DNAH17: variants seen among roughly 807,000 people sequenced by gnomAD.
DNAH17 encodes the protein axonemal beta dynein heavy chain 17.
Under a neutral mutation model 485.6 loss-of-function variants are expected in DNAH17, and 376 were observed. The observed-to-expected ratio is 0.77, with a 90% CI of 0.71 to 0.84. The LOEUF (loss-of-function observed/expected upper bound fraction) is 0.84. DNAH17 is among the 40% of genes least tolerant of loss of function. DNAH17 has a pLI of 0.00. For missense variants in DNAH17, 6,370 were observed against 5,839.3 expected (o/e 1.09, Z -2.96); for synonymous variants, 3,031 against 2,405.9 (o/e 1.26, Z -7.60).
intron 75 of DNAH17, among the ~76,000 whole-genome samples, chr17:78,432,905 C>CCG (rs2086727883): frequency 8.7e-6 from 1 of 115,070 alleles, no homozygotes; most frequent in East Asian, 3.6e-4. Flanking sequence ...CAAACGTGCC[C>CCG]CCCCCCCCCG....
chr17:78,472,908 G>A (rs915791970), intron 54 of DNAH17: 4 of 316,764 alleles, frequency 1.3e-5, no homozygotes, highest in African/African-American at 2.3e-5. Context: ...CATCCTGCCC[G>A]CTCTATCCCC....
intron 63 of DNAH17, 125 bp downstream of exon 63, chr17:78,455,519 G>A (rs370793866): frequency 5.9e-6 from 4 of 679,822 alleles, no homozygotes; most frequent in Non-Finnish European, 9.1e-6. Context: ...TAGAGATGGG[G>A]TTTCACCATG....
rs1160278275 is a variant in DNAH17, at chr17:78,437,787, G to A, written c.11887C>T (p.Arg3963Trp). ...GCAGGCTCCGCGCTGATGAACACCC[G>A]GTAGTCCTCATGGCTGCCCGTGCTG... ...HYSTGSHEDYRVFISAEPAPS... is the reference protein window; with the variant it reads ...HYSTGSHEDYWVFISAEPAPS... The change falls in exon 74 of 81, where the codon CGG (arginine) becomes TGG (tryptophan). Residue 3963 changes from arginine (R) to tryptophan (W), a missense_variant. Transcript: ENST00000389840. 4 of 1,612,602 alleles carry A rather than the reference G, an allele frequency of 2.5e-6. No homozygotes were observed. The South Asian group carries it at 3.3e-5, about 13-fold the overall frequency.
In DNAH17 at chr17:78,427,277, T is replaced by C. The variant is rs72914893; in HGVS notation, c.12589-169A>G. On this transcript the variant is annotated intron_variant, in intron 77 of 80. Coordinates refer to ENST00000389840, the MANE Select transcript of DNAH17 (RefSeq NM_173628.4). ...GTCATGGGTGCAGCCACACATTTGA[T>C]GAGGAGAGGGAGCCTTGGCCAGCGG... 0.15 allele frequency: 100,314 copies of C among 658,748 alleles called. 8,520 individuals carry two copies. Among genetic ancestry groups the C allele is most frequent in the Middle Eastern group, 0.2 (485 of 2,376 alleles). The allele number at this position is 658,748 out of a possible 1,614,324, so 40.8% of individuals were successfully genotyped here.
At position 78,560,887 on chromosome 17, in the gene DNAH17, C is replaced by T; in HGVS notation, c.1884G>A (p.Glu628=). The change falls in exon 13 of 81, where the codon GAG becomes GAA. Residue 628 remains glutamate, a synonymous_variant. Coordinates refer to ENST00000389840, the MANE Select transcript of DNAH17 (RefSeq NM_173628.4). ...EAKLTYQKYD[E]MMELLRCHRE... ...GGTGGCACCTCAGCAGCTCCATCATCTCGTCATACTTCTGATAGGTCAGCT... is the reference window on the plus strand; with the variant it reads ...GGTGGCACCTCAGCAGCTCCATCATTTCGTCATACTTCTGATAGGTCAGCT... The T allele has an allele frequency of 3.2e-6, 5 of 1,551,646 alleles. No individual in the cohort carries two copies. Among genetic ancestry groups the T allele is most frequent in the Non-Finnish European group, 4.4e-6 (5 of 1,147,158 alleles).
intron 7 of DNAH17, among the ~76,000 whole-genome samples, chr17:78,569,756 TGA>T (rs2092323343): frequency 6.6e-6 from 1 of 152,188 alleles, no homozygotes; most frequent in African/African-American, 2.4e-5. Flanking sequence ...TCGCAGATGA[TGA>T]GAGGCCCTCC....
At chr17:78,474,074 G>A (rs1416116832) in intron 54 of DNAH17, among the ~76,000 whole-genome samples, 2 of 152,232 alleles carry the variant, frequency 1.3e-5, no homozygotes, top group East Asian at 3.8e-4. Flanking sequence ...CTCTCCCAGA[G>A]GTTGGCCGTC....
At chr17:78,574,518 T>A (rs1016791914) in intron 2 of DNAH17, among the ~76,000 whole-genome samples, 195 bp downstream of exon 2, 3 of 150,232 alleles carry the variant, frequency 2.0e-5, no homozygotes, top group Admixed American at 6.6e-5. Flanking sequence ...AAAAAAAAAA[T>A]TTAAAAACCA....
At chr17:78,523,107 C>T (rs376701523) in intron 25 of DNAH17, among the ~76,000 whole-genome samples, 9 of 151,700 alleles carry the variant, frequency 5.9e-5, no homozygotes, top group African/African-American at 1.7e-4. Context: ...CCACCTGCCT[C>T]GGCCTCCCAA....
chr17:78,510,618 TGGAG>T, intron 26 of DNAH17, 112 bp from the exon 27 acceptor site: 2 of 1,450,794 alleles, frequency 1.4e-6, no homozygotes, highest in Non-Finnish European at 1.9e-6. Flanking sequence ...CCCGGGCTGC[TGGAG>T]GGAGGGAGGC....
intron 35 of DNAH17, 195 bp from the exon 36 acceptor site, chr17:78,500,656 C>A: frequency 4.5e-6 from 2 of 444,774 alleles, no homozygotes; most frequent in Non-Finnish European, 7.7e-6. Flanking sequence ...CTATAGGCGC[C>A]CGCCACCATG....
chr17:78,465,630 T>C (rs2088396900), intron 56 of DNAH17, among the ~76,000 whole-genome samples: 1 of 150,760 alleles, frequency 6.6e-6, no homozygotes, highest in African/African-American at 2.5e-5. Flanking sequence ...AGACCCCGTC[T>C]GGGAGGTGAG....
chr17:78,459,016 G>C lies in DNAH17; in HGVS notation c.9846C>G (p.Ile3282Met), dbSNP rs776363726. Residue 3282 changes from isoleucine to methionine, a missense_variant, in exon 61 of 81, where the codon ATC becomes ATG. By Grantham distance (10) the Ile-to-Met change is conservative. Coordinates refer to ENST00000389840, the MANE Select transcript of DNAH17 (RefSeq NM_173628.4). ...LAEAQEKLSR[I>M]KNKIAELNAN... ...CGGCACTTACGGCAATCTTGTTTTT[G>C]ATCCGGGACAGCTTCTCTTGTGCCT... The C allele has an allele frequency of 6.2e-7, 1 of 1,613,882 alleles. No individual in the cohort carries two copies. The highest frequency in any genetic ancestry group is 1.7e-5 in the Admixed American group (1 of 60,002).
chr17:78,556,944 C>T (rs2092036586), intron 14 of DNAH17, among the ~76,000 whole-genome samples: 1 of 152,196 alleles, frequency 6.6e-6, no homozygotes, highest in Non-Finnish European at 1.5e-5. Context: ...CCATTGCCCT[C>T]CGGTTCCCGA....
rs540924598 is a variant in DNAH17, at chr17:78,473,767, G to A, written c.8511+1511C>T. Among the ~76,000 whole-genome samples, 13 of 152,252 alleles carry A rather than the reference G, an allele frequency of 8.5e-5. No individual in the cohort carries two copies. In the South Asian group the frequency reaches 1.2e-3, roughly 15 times the overall value. On this transcript the variant is annotated intron_variant, in intron 54 of 80. Coordinates refer to ENST00000389840, the MANE Select transcript of DNAH17 (RefSeq NM_173628.4). ...GGACGCAGAGCAAGGAAACGATGCCGTCATGAACGTAAACCAACGTGATTT... is the reference window on the plus strand; with the variant it reads ...GGACGCAGAGCAAGGAAACGATGCCATCATGAACGTAAACCAACGTGATTT...
At position 78,533,377 on chromosome 17, in the gene DNAH17, T is replaced by C. The variant is rs116142159; in HGVS notation, c.2860-641A>G. Among the ~76,000 whole-genome samples the C allele has an allele frequency of 9.4e-3, 1,432 of 152,166 alleles. 29 individuals carry two copies. The highest frequency in any genetic ancestry group is 0.033 in the African/African-American group (1,361 of 41,494). ...AGGAAATGGCCATTGGTCTGAGAGC[T>C]GATGGATGGGTAGACAAGGAGCAAG... On this transcript the variant is annotated intron_variant, in intron 19 of 80. Coordinates refer to ENST00000389840, the MANE Select transcript of DNAH17 (RefSeq NM_173628.4).
rs372398530 is a variant in DNAH17, at chr17:78,570,255, T to C, written c.1036A>G (p.Ile346Val). ...GGCCAGGGGAGGGTTACCATCTCGATGATTTGGTTGCAGAACTCCTGCAGG... is the reference window on the plus strand; with the variant it reads ...GGCCAGGGGAGGGTTACCATCTCGACGATTTGGTTGCAGAACTCCTGCAGG... ...VILQEFCNQI[I>V]EMTRTFLSPE... Residue 346 changes from isoleucine to valine, a missense_variant, in exon 7 of 81, where the codon ATC becomes GTC. Coordinates refer to ENST00000389840, the MANE Select transcript of DNAH17 (RefSeq NM_173628.4). 3.8e-6 allele frequency: 6 copies of C among 1,584,998 alleles called. No individual in the cohort carries two copies. Among genetic ancestry groups the C allele is most frequent in the Admixed American group, 3.6e-5 (2 of 55,186 alleles).
chr17:78,467,877 G>A (rs546273167), intron 55 of DNAH17, among the ~76,000 whole-genome samples: 2 of 152,242 alleles, frequency 1.3e-5, no homozygotes, highest in Middle Eastern at 3.4e-3. Context: ...ATTTAGCCAG[G>A]TGTGGTGGTG....
At chr17:78,535,491 T>C (rs2091350416) in intron 19 of DNAH17, among the ~76,000 whole-genome samples, 1 of 152,134 alleles carries the variant, frequency 6.6e-6, no homozygotes, top group South Asian at 2.1e-4. Flanking sequence ...CCACCACACA[T>C]GCAAATACGC....
Sources: gnomAD v4.1 joint callset for allele counts (sites outside exome capture counted in the v4.1 genomes callset) on GRCh38, gnomAD v4.1.1 for gene constraint, MANE v1.5 for transcripts, NCBI Gene and HGNC (gene_info 2026-07-23, HGNC 2026-07-21) for gene names.